The following CCDC175 variants were observed in gnomAD, a reference collection of about 807,000 sequenced individuals.
CCDC175 encodes the protein coiled-coil domain-containing protein 175.
A neutral mutation model predicts 114.6 loss-of-function variants in CCDC175; 100 were observed. That is an observed-to-expected ratio of 0.87 (90% CI 0.74 to 1.03). The LOEUF (loss-of-function observed/expected upper bound fraction) is 1.03, where lower values mean the gene tolerates loss of function less well. Among genes scored for constraint, CCDC175 ranks in the 50% least tolerant of loss-of-function variants. CCDC175 has a pLI of 0.00. For synonymous variants in CCDC175, 306 were observed against 308.7 expected, an observed-to-expected ratio of 0.99 and a Z score of 0.09; for missense variants, 880 against 917.8, an observed-to-expected ratio of 0.96 and a Z score of 0.53.
At chr14:59,555,390 A>T (rs1188944522) in intron 7 of CCDC175, among the ~76,000 whole-genome samples, 1 of 152,244 alleles carries the variant, frequency 6.6e-6, no homozygotes, top group Non-Finnish European at 1.5e-5. Context: ...AGATGCAGAA[A>T]AGGCCTTTGA....
chr14:59,533,617 A>G (rs909074908), intron 13 of CCDC175, among the ~76,000 whole-genome samples: 1 of 152,224 alleles, frequency 6.6e-6, no homozygotes, highest in African/African-American at 2.4e-5. Context: ...ATAGAAAAAT[A>G]CCATAATTCA....
intron 2 of CCDC175, among the ~76,000 whole-genome samples, chr14:59,574,137 T>C (rs1896981358): frequency 6.6e-6 from 1 of 152,212 alleles, no homozygotes; most frequent in Non-Finnish European, 1.5e-5. Context: ...TTGTAAAGTA[T>C]GATTATGTAG....
chr14:59,526,207 C>T (rs1171119281), intron 15 of CCDC175, among the ~76,000 whole-genome samples: 1 of 152,110 alleles, frequency 6.6e-6, no homozygotes, highest in Non-Finnish European at 1.5e-5. Context: ...ATAATCATCA[C>T]CAGAAGCATC....
intron 7 of CCDC175, among the ~76,000 whole-genome samples, chr14:59,557,940 A>G (rs76420738): frequency 0.11 from 16,550 of 152,192 alleles, 986 homozygotes; most frequent in African/African-American, 0.15. Flanking sequence ...AATAAGTAAT[A>G]TATCTCAGAT....
intron 8 of CCDC175, among the ~76,000 whole-genome samples, chr14:59,547,667 C>T (rs538340104): frequency 7.2e-5 from 11 of 152,224 alleles, no homozygotes; most frequent in African/African-American, 2.4e-4. Flanking sequence ...GAATCTTGAC[C>T]ACTATCTCAA....
At chr14:59,544,831 C>G (rs1314405645) in intron 9 of CCDC175, among the ~76,000 whole-genome samples, 3 of 152,054 alleles carry the variant, frequency 2.0e-5, no homozygotes, top group African/African-American at 7.2e-5. Context: ...AAGAAAGACA[C>G]CAGACAGACA....
intron 4 of CCDC175, among the ~76,000 whole-genome samples, chr14:59,567,616 G>A (rs1287264315): frequency 6.6e-6 from 1 of 152,210 alleles, no homozygotes; most frequent in African/African-American, 2.4e-5. Context: ...AGCTAGCAAA[G>A]TTAAGAGTTG....
At position 59,538,253 on chromosome 14, in the gene CCDC175, C is replaced by T. The variant is rs377336464; in HGVS notation, c.1492-99G>A. On this transcript the variant is annotated intron_variant, in intron 12 of 19. Transcript: ENST00000537690. ...TTAATATCTCTTTGCAGGAGGCCTG[C>T]TTCTGATTTCAGTTCATATAATTTC... 2.7e-4 allele frequency: 270 copies of T among 989,582 alleles called. No individual in the cohort carries two copies. In the African/African-American group the frequency reaches 3.3e-3, roughly 12 times the overall value. The allele number at this position is 989,582 out of a possible 1,614,324, so 61.3% of individuals were successfully genotyped here.
chr14:59,574,331 G>T (rs897119205), intron 2 of CCDC175, among the ~76,000 whole-genome samples: 1 of 152,140 alleles, frequency 6.6e-6, no homozygotes, highest in African/African-American at 2.4e-5. Flanking sequence ...CTGTGCCAAG[G>T]AAGCATTGTC....
chr14:59,568,684 A>G (rs986994680), intron 3 of CCDC175, among the ~76,000 whole-genome samples: 3 of 152,094 alleles, frequency 2.0e-5, no homozygotes, highest in Admixed American at 6.5e-5. Context: ...CAACTTCTAC[A>G]TGGGGCTTCT....
Position 59,540,745 on chromosome 14 carries a change from C to A in CCDC175, c.1285G>T (p.Ala429Ser), listed in dbSNP as rs757482380. The change falls in exon 11 of 20, where the codon GCA becomes TCA. Residue 429 changes from alanine to serine, a missense_variant and splice_region_variant. Coordinates refer to ENST00000537690, the MANE Select transcript of CCDC175 (RefSeq NM_001164399.2). Reference sequence around the variant, plus strand: ...TGTTGCTGATACACTGTTTTTGTTGCTCTAAAAAGAAAAACATATTGGATT... The same window carrying A: ...TGTTGCTGATACACTGTTTTTGTTGATCTAAAAAGAAAAACATATTGGATT... ...GLITLQELQQ[A>S]TKTVYQQQIK... The A allele has an allele frequency of 1.9e-5, 27 of 1,431,864 alleles. No individual in the cohort carries two copies. Among genetic ancestry groups the A allele is most frequent in the Middle Eastern group, 3.7e-4 (2 of 5,424 alleles). 88.7% of individuals were successfully genotyped at this position (1,431,864 alleles called of 1,614,324 possible).
intron 5 of CCDC175, chr14:59,564,315 TCATC>T: frequency 6.5e-6 from 1 of 152,820 alleles, no homozygotes. Context: ...GTAAACAAAA[TCATC>T]AAAGACAGAG....
intron 17 of CCDC175, among the ~76,000 whole-genome samples, chr14:59,519,156 C>T (rs1346220775): frequency 2.0e-5 from 3 of 151,888 alleles, no homozygotes; most frequent in Non-Finnish European, 4.4e-5. Context: ...CATCACATAC[C>T]AGGGCCTGTT....
At chr14:59,569,787 G>A (rs1210102114) in intron 3 of CCDC175, among the ~76,000 whole-genome samples, 2 of 152,080 alleles carry the variant, frequency 1.3e-5, no homozygotes, top group Admixed American at 6.5e-5. Context: ...AATTGAAAAG[G>A]GAAAGTTTAA....
intron 16 of CCDC175, among the ~76,000 whole-genome samples, chr14:59,524,483 T>C (rs1486557233): frequency 6.6e-6 from 1 of 152,142 alleles, no homozygotes; most frequent in Non-Finnish European, 1.5e-5. Flanking sequence ...GCCAGCAACA[T>C]AGAATAGGTG....
rs540790843 is a variant in CCDC175 at position 59,561,422 on chromosome 14, G to GA, written c.844-195dup. ...GACACAAATAATTCTGAAATCATCA[G>GA]AAAAAAACAAAATTTAGAGGGGAAG... On this transcript the variant is annotated intron_variant, in intron 6 of 19. Transcript: ENST00000537690. Among the ~76,000 whole-genome samples, 950 of 151,996 alleles carry GA rather than the reference G, an allele frequency of 6.3e-3. 9 individuals carry two copies. The highest frequency in any genetic ancestry group is 0.022 in the African/African-American group (904 of 41,496).
intron 16 of CCDC175, among the ~76,000 whole-genome samples, chr14:59,524,096 T>A (rs1007889144): frequency 3.3e-5 from 5 of 152,104 alleles, no homozygotes; most frequent in African/African-American, 1.2e-4. Context: ...CTGCCCAAAG[T>A]CACACAGTGT....
At chr14:59,508,399 T>TACATACACAC in intron 19 of CCDC175, among the ~76,000 whole-genome samples, 1 of 97,350 alleles carries the variant, frequency 1.0e-5, no homozygotes, top group South Asian at 4.6e-4. Context: ...GTCTCCAAAA[T>TACATACACAC]ACACACACAC....
At chr14:59,519,010 C>T (rs147292464) in intron 17 of CCDC175, among the ~76,000 whole-genome samples, 1,804 of 152,238 alleles carry the variant, frequency 0.012, 28 homozygotes, top group African/African-American at 0.042. Flanking sequence ...GAGTTCATGT[C>T]CTTTGTAGGG....
Sources: allele counts gnomAD v4.1 joint callset (sites outside exome capture counted in the v4.1 genomes callset), GRCh38; gene constraint gnomAD v4.1.1; transcripts MANE v1.5; gene names NCBI Gene and HGNC (gene_info 2026-07-23, HGNC 2026-07-21).